The following CAPS2 variants were observed in gnomAD, a reference collection of about 807,000 sequenced individuals.
CAPS2 encodes the protein calcyphosin-2.
Under a neutral mutation model 86.5 loss-of-function variants are expected in CAPS2, and 98 were observed. That is an observed-to-expected ratio of 1.13 (90% CI 0.96 to 1.34). The LOEUF is 1.34. CAPS2 is among the 40% of genes most tolerant of loss of function. The pLI, the probability that CAPS2 is intolerant of heterozygous loss-of-function variation, is 0.00. For synonymous variants in CAPS2, 210 were observed against 225.1 expected (o/e 0.93, Z 0.60); for missense variants, 729 against 686.8 (o/e 1.06, Z -0.69).
At chr12:75,295,471 G>A (rs1356076634) in intron 11 of CAPS2, among the ~76,000 whole-genome samples, 2 of 152,134 alleles carry the variant, frequency 1.3e-5, no homozygotes, top group Non-Finnish European at 2.9e-5. Context: ...GGACACATAC[G>A]ATGTTCGCTT....
chr12:75,303,742 G>A (rs1189505165), intron 8 of CAPS2, among the ~76,000 whole-genome samples: 3 of 152,168 alleles, frequency 2.0e-5, no homozygotes, highest in African/African-American at 7.2e-5. Context: ...TGGCATATGT[G>A]ATAAATTAAG....
exon 17 of CAPS2, chr12:75,277,258 A>G: frequency 1.0e-6 from 1 of 969,986 alleles, no homozygotes; most frequent in Non-Finnish European, 1.2e-6. Flanking sequence ...TTCTGATTAT[A>G]GTAACAGAAA....
intron 7 of CAPS2, among the ~76,000 whole-genome samples, chr12:75,309,322 G>T (rs757981439): frequency 5.9e-5 from 9 of 152,186 alleles, no homozygotes; most frequent in Non-Finnish European, 8.8e-5. Flanking sequence ...CACTTCTGCT[G>T]CTTTGCTTCG....
exon 4 of CAPS2, chr12:75,323,079 A>G: frequency 6.5e-7 from 1 of 1,545,202 alleles, no homozygotes; most frequent in South Asian, 1.2e-5. Flanking sequence ...GAATATATGA[A>G]AAATTGTCCT....
chr12:75,314,965 C>T (rs1002440543), intron 6 of CAPS2, among the ~76,000 whole-genome samples: 25 of 152,064 alleles, frequency 1.6e-4, no homozygotes, highest in Non-Finnish European at 1.6e-4. Flanking sequence ...ACACAAAATC[C>T]GTAGTTTCAC....
At chr12:75,387,669 A>G (rs1566051478) in intron 1 of CAPS2, among the ~76,000 whole-genome samples, 1 of 152,188 alleles carries the variant, frequency 6.6e-6, no homozygotes, top group Non-Finnish European at 1.5e-5. Context: ...CCTTCTTGCT[A>G]CTGGGGACTC....
At position 75,278,853 on chromosome 12, in the gene CAPS2, A is replaced by T. The variant is rs371752113; in HGVS notation, c.*37T>A. 5.3e-4 allele frequency: 761 copies of T among 1,423,488 alleles called. 2 individuals carry two copies. The highest frequency in any genetic ancestry group is 9.0e-4 in the Admixed American group (33 of 36,564). 88.2% of individuals were successfully genotyped at this position (1,423,488 alleles called of 1,614,324 possible). ...TTACATTGATATCATCTCTCCAATAAAATGCTTAGTGTTGATGACATATGT... is the reference window on the plus strand; with the variant it reads ...TTACATTGATATCATCTCTCCAATATAATGCTTAGTGTTGATGACATATGT... On this transcript the variant is annotated 3_prime_UTR_variant, in exon 17 of 17. Coordinates refer to ENST00000393284, the Ensembl canonical transcript of CAPS2.
intron 1 of CAPS2, chr12:75,370,063 GTTTTGT>G: frequency 6.7e-7 from 1 of 1,487,250 alleles, no homozygotes; most frequent in Non-Finnish European, 9.3e-7. Flanking sequence ...AACTATTCTG[GTTTTGT>G]TTTTGTTTTT....
chr12:75,331,642 C>A (rs1464202840), upstream of CAPS2, among the ~76,000 whole-genome samples: 1 of 151,296 alleles, frequency 6.6e-6, no homozygotes, highest in Non-Finnish European at 1.5e-5. Context: ...CGGCTCACTG[C>A]AAGCTCCGCC....
chr12:75,309,254 T>G (rs2038876423), intron 7 of CAPS2, among the ~76,000 whole-genome samples: 1 of 152,166 alleles, frequency 6.6e-6, no homozygotes, highest in Non-Finnish European at 1.5e-5. Context: ...AAGGTAGATT[T>G]CATCTCACAG....
At chr12:75,334,521 T>C (rs942372005), upstream of CAPS2, 113 of 1,374,542 alleles carry the variant, frequency 8.2e-5, no homozygotes, top group Non-Finnish European at 1.0e-4. Context: ...CTTTCCCCTG[T>C]AGCTCAGAGC....
intron 8 of CAPS2, among the ~76,000 whole-genome samples, chr12:75,300,510 C>T (rs1250333621): frequency 2.3e-5 from 3 of 132,878 alleles, no homozygotes; most frequent in Middle Eastern, 4.8e-3. Flanking sequence ...GAGCCGAGAT[C>T]GCGCCACTGC....
At chr12:75,292,153 G>A (rs371792929) in intron 12 of CAPS2, among the ~76,000 whole-genome samples, 118 of 151,972 alleles carry the variant, frequency 7.8e-4, no homozygotes, top group African/African-American at 2.7e-3. Context: ...TGCAACCTCC[G>A]CCTCCCAGGT....
intron 14 of CAPS2, among the ~76,000 whole-genome samples, chr12:75,287,287 TTCAA>T (rs2035058401): frequency 6.6e-6 from 1 of 151,888 alleles, no homozygotes; most frequent in Non-Finnish European, 1.5e-5. Context: ...CCTTTCCCTC[TTCAA>T]GGCAGGAATC....
At chr12:75,279,095 T>G in intron 16 of CAPS2, 30 bp from the exon 17 acceptor site, 1 of 1,460,702 alleles carries the variant, frequency 6.8e-7, no homozygotes, top group Non-Finnish European at 9.1e-7. Flanking sequence ...ATGAAACAGT[T>G]TCCTGAAAAG....
At chr12:75,360,926 A>G (rs908193664) in intron 1 of CAPS2, 9 of 152,284 alleles carry the variant, frequency 5.9e-5, no homozygotes, top group Admixed American at 5.9e-4. Context: ...CTGTGTACCC[A>G]CAGGCCCAAC....
intron 1 of CAPS2, among the ~76,000 whole-genome samples, chr12:75,376,384 T>C (rs2139764172): frequency 6.6e-6 from 1 of 152,294 alleles, no homozygotes; most frequent in East Asian, 1.9e-4. Flanking sequence ...AGCCATTCTT[T>C]TGGAGTGTAG....
chr12:75,316,110 G>C (rs2039726206), intron 6 of CAPS2, among the ~76,000 whole-genome samples: 1 of 151,958 alleles, frequency 6.6e-6, no homozygotes. Context: ...AACACCTAAA[G>C]ATTCCAGACA....
At position 75,323,162 on chromosome 12, in the gene CAPS2, C is replaced by A. The variant is rs1314009326; in HGVS notation, c.177+15G>T. The A allele has an allele frequency of 6.6e-7, 1 of 1,519,498 alleles. No individual in the cohort carries two copies. Among genetic ancestry groups the A allele is most frequent in the Non-Finnish European group, 8.9e-7 (1 of 1,121,746 alleles). The allele number at this position is 1,519,498 out of a possible 1,614,324, so 94.1% of individuals were successfully genotyped here. ...GTTTTAATGTTTATTATATTAAATA[C>A]TAAATAAAAATTACCTCATCATCAG... On this transcript the variant is annotated intron_variant, in intron 3 of 16. Coordinates refer to ENST00000393284, the Ensembl canonical transcript of CAPS2.
Sources: gnomAD v4.1 joint callset for allele counts (sites outside exome capture counted in the v4.1 genomes callset) on GRCh38, gnomAD v4.1.1 for gene constraint, MANE v1.5 for transcripts, NCBI Gene and HGNC (gene_info 2026-07-23, HGNC 2026-07-21) for gene names.